The following NR3C2 variants were observed in gnomAD, a reference collection of about 807,000 sequenced individuals.
NR3C2 encodes the protein mineralocorticoid receptor.
Under a neutral mutation model 86.4 loss-of-function variants are expected in NR3C2, and 15 were observed. The ratio of observed to expected loss-of-function variants is 0.17; its 90% confidence interval spans 0.12 to 0.27. The LOEUF is 0.27. NR3C2 is among the 10% of genes least tolerant of loss of function. The pLI is 1.00. For synonymous variants in NR3C2, 458 were observed against 450.5 expected, an observed-to-expected ratio of 1.02 and a Z score of -0.21; for missense variants, 960 against 1,195.6, an observed-to-expected ratio of 0.80 and a Z score of 2.91.
intron 2 of NR3C2, among the ~76,000 whole-genome samples, chr4:148,419,587 G>T (rs181819003): frequency 1.3e-5 from 2 of 152,124 alleles, no homozygotes; most frequent in East Asian, 3.9e-4. Flanking sequence ...TTATTCGTGG[G>T]ACCAATTTAA....
intron 2 of NR3C2, among the ~76,000 whole-genome samples, chr4:148,431,915 G>A (rs1366050208): frequency 1.3e-5 from 2 of 152,088 alleles, no homozygotes; most frequent in Admixed American, 1.3e-4. Flanking sequence ...AAGTATGAAG[G>A]ATCCCAAAGA....
intron 2 of NR3C2, among the ~76,000 whole-genome samples, chr4:148,262,148 T>C (rs1740155075): frequency 6.6e-6 from 1 of 152,236 alleles, no homozygotes; most frequent in South Asian, 2.1e-4. Flanking sequence ...TGTAAATATT[T>C]AGAATATAAC....
intron 4 of NR3C2, among the ~76,000 whole-genome samples, chr4:148,170,646 C>A (rs1003316004): frequency 6.6e-6 from 1 of 152,184 alleles, no homozygotes; most frequent in Admixed American, 6.5e-5. Context: ...CACTTCCTAC[C>A]CCCATGCTTT....
At chr4:148,234,686 A>G (rs1349974782) in intron 3 of NR3C2, among the ~76,000 whole-genome samples, 2 of 151,464 alleles carry the variant, frequency 1.3e-5, no homozygotes, top group Non-Finnish European at 2.9e-5. Context: ...CCAACTAAAA[A>G]AAAAAAAAAA....
In NR3C2 at chr4:148,219,406, T is replaced by C. The variant is rs1205854319; in HGVS notation, c.1898-24544A>G. ...TTAACTTTGCCTGGAACTCTAAAAT[T>C]AAATGATCTTTCATTTGTGAGCTAG... On this transcript the variant is annotated intron_variant, in intron 3 of 8. Coordinates refer to ENST00000358102, the MANE Select transcript of NR3C2 (RefSeq NM_000901.5). Among the ~76,000 whole-genome samples the C allele has an allele frequency of 8.5e-5, 13 of 152,338 alleles. No homozygotes were observed. The East Asian group carries it at 2.5e-3, about 29-fold the overall frequency.
chr4:148,366,688 A>C (rs1408177059), intron 2 of NR3C2, among the ~76,000 whole-genome samples: 1 of 151,946 alleles, frequency 6.6e-6, no homozygotes, highest in Non-Finnish European at 1.5e-5. Context: ...AATCATCAAA[A>C]ATTCTGCTTT....
At chr4:148,282,006 T>G (rs17024541) in intron 2 of NR3C2, among the ~76,000 whole-genome samples, 29,389 of 152,198 alleles carry the variant, frequency 0.19, 2,950 homozygotes, top group Admixed American at 0.27. Flanking sequence ...TTTTCATTAA[T>G]TTTTATGAGT....
intron 2 of NR3C2, among the ~76,000 whole-genome samples, chr4:148,335,922 T>C (rs559395512): frequency 1.3e-4 from 20 of 152,286 alleles, no homozygotes; most frequent in Non-Finnish European, 2.2e-4. Flanking sequence ...TAGAAAACCA[T>C]AGTATACCCA....
At chr4:148,185,743 A>G (rs942055363) in intron 4 of NR3C2, among the ~76,000 whole-genome samples, 5 of 152,192 alleles carry the variant, frequency 3.3e-5, no homozygotes, top group African/African-American at 1.2e-4. Context: ...TATGAGTTGT[A>G]TATCTATTTT....
intron 1 of NR3C2, among the ~76,000 whole-genome samples, chr4:148,439,629 G>A (rs1211196590): frequency 1.3e-5 from 2 of 152,098 alleles, no homozygotes; most frequent in South Asian, 2.1e-4. Flanking sequence ...TGGGAAGGGC[G>A]GTCCACTCTT....
rs1741329864 is a variant in NR3C2, at chr4:148,283,087, CAT to C, written c.1758-22972_1758-22971del. Among the ~76,000 whole-genome samples, 3 of 152,130 alleles carry C rather than the reference CAT, an allele frequency of 2.0e-5. No homozygotes were observed. In the South Asian group the frequency reaches 6.2e-4, roughly 32 times the overall value. Reference sequence around the variant, plus strand: ...ATAATCTGTGTGTTATAAGTGCAAACATATAGCACTTTGAAGAAGTAAACAAT... The same window carrying C: ...ATAATCTGTGTGTTATAAGTGCAAACATAGCACTTTGAAGAAGTAAACAAT... On this transcript the variant is annotated intron_variant, in intron 2 of 8. Coordinates refer to ENST00000358102, the MANE Select transcript of NR3C2 (RefSeq NM_000901.5).
chr4:148,397,690 T>C (rs898935803), intron 2 of NR3C2, among the ~76,000 whole-genome samples: 2 of 152,198 alleles, frequency 1.3e-5, no homozygotes, highest in Non-Finnish European at 2.9e-5. Flanking sequence ...GGAATTCTTA[T>C]AAATGTGAAT....
At chr4:148,325,114 G>A (rs952984461) in intron 2 of NR3C2, among the ~76,000 whole-genome samples, 3 of 109,534 alleles carry the variant, frequency 2.7e-5, no homozygotes, top group Non-Finnish European at 5.6e-5. Flanking sequence ...GAGAGACAGA[G>A]AGAGAGAGAG....
intron 2 of NR3C2, among the ~76,000 whole-genome samples, chr4:148,319,886 T>C (rs1476455419): frequency 1.4e-5 from 2 of 140,796 alleles, no homozygotes; most frequent in African/African-American, 2.8e-5. Flanking sequence ...TCCTGCCTAA[T>C]TGCCCTGGCC....
At chr4:148,232,221 G>T (rs1450107659) in intron 3 of NR3C2, among the ~76,000 whole-genome samples, 1 of 152,132 alleles carries the variant, frequency 6.6e-6, no homozygotes, top group Non-Finnish European at 1.5e-5. Context: ...TCCATCAGAG[G>T]AATCACTATG....
At chr4:148,403,152 T>C (rs991963344) in intron 2 of NR3C2, among the ~76,000 whole-genome samples, 13 of 152,020 alleles carry the variant, frequency 8.6e-5, no homozygotes, top group Admixed American at 7.9e-4. Flanking sequence ...ATTTAAAAAA[T>C]GAAATTACAA....
At chr4:148,299,031 T>C (rs1230100006) in intron 2 of NR3C2, among the ~76,000 whole-genome samples, 3 of 152,210 alleles carry the variant, frequency 2.0e-5, no homozygotes, top group Non-Finnish European at 4.4e-5. Flanking sequence ...CTTCAGCTCA[T>C]GCATGGTGGC....
At chr4:148,118,992 TC>T (rs1732392155) in intron 7 of NR3C2, among the ~76,000 whole-genome samples, 1 of 152,158 alleles carries the variant, frequency 6.6e-6, no homozygotes, top group African/African-American at 2.4e-5. Flanking sequence ...CCTGTCTCTC[TC>T]CTCTTGAATC....
At chr4:148,426,999 AG>A (rs1749570031) in intron 2 of NR3C2, among the ~76,000 whole-genome samples, 1 of 150,962 alleles carries the variant, frequency 6.6e-6, no homozygotes, top group South Asian at 2.1e-4. Flanking sequence ...TCTGTCACCC[AG>A]GCTGAAGTGT....
Sources: gnomAD v4.1 joint callset for allele counts (sites outside exome capture counted in the v4.1 genomes callset) on GRCh38, gnomAD v4.1.1 for gene constraint, MANE v1.5 for transcripts, NCBI Gene and HGNC (gene_info 2026-07-23, HGNC 2026-07-21) for gene names.